Variants in ZMAT4 observed in about 807,000 individuals in gnomAD.
The protein encoded by ZMAT4 is zinc finger matrin-type protein 4.
In ZMAT4, 17 loss-of-function variants were observed where a neutral mutation model predicts 28.7. The observed-to-expected ratio is 0.59, with a 90% confidence interval of 0.41 to 0.89. ZMAT4 has a LOEUF of 0.89. Ranked by LOEUF, ZMAT4 falls within the 40% of genes least tolerant of loss-of-function variation. The pLI is 0.00. For missense variants in ZMAT4, 240 were observed against 283.8 expected, an observed-to-expected ratio of 0.85 and a Z score of 1.11; for synonymous variants, 117 against 109.2, an observed-to-expected ratio of 1.07 and a Z score of -0.44.
chr8:40,626,310 C>G (rs1046905980), intron 5 of ZMAT4, among the ~76,000 whole-genome samples: 2 of 152,102 alleles, frequency 1.3e-5, no homozygotes, highest in African/African-American at 4.8e-5. Context: ...CTAAGTGTGG[C>G]ATCTCAGAAA....
chr8:40,854,588 G>C (rs1280159592), intron 1 of ZMAT4, among the ~76,000 whole-genome samples: 1 of 152,190 alleles, frequency 6.6e-6, no homozygotes, highest in African/African-American at 2.4e-5. Flanking sequence ...TTTCGGCAGA[G>C]TTAGCTCAGG....
At position 40,835,541 on chromosome 8, in the gene ZMAT4, A is replaced by G. The variant is rs112311435; in HGVS notation, c.-4-9861T>C. ...TACAGGACCCTTCCTTTCAATGTGA[A>G]TACATGCCTTCAAAAATACAGTTTC... On this transcript the variant is annotated intron_variant, in intron 1 of 6. Transcript: ENST00000297737. 8.8e-3 allele frequency among the ~76,000 whole-genome samples: 1,346 copies of G among 152,326 alleles called. 19 individuals are homozygous for G. The highest frequency in any genetic ancestry group is 0.029 in the African/African-American group (1,194 of 41,568).
At position 40,818,964 on chromosome 8, in the gene ZMAT4, C is replaced by A. The variant is rs73619237; in HGVS notation, c.102+6611G>T. 9.6e-3 allele frequency among the ~76,000 whole-genome samples: 1,463 copies of A among 152,270 alleles called. 27 individuals are homozygous for A. Among genetic ancestry groups the A allele is most frequent in the African/African-American group, 0.033 (1,366 of 41,536 alleles). The stretch of plus-strand genomic sequence containing the variant: ...ACTTTAATCAGCACATTTTAAGAAT[C>A]TTAATTTTCACCTTTTTATCACTAC... On this transcript the variant is annotated intron_variant, in intron 2 of 6. Transcript: ENST00000297737.
intron 2 of ZMAT4, among the ~76,000 whole-genome samples, chr8:40,794,541 TG>T (rs1376919744): frequency 6.6e-6 from 1 of 152,204 alleles, no homozygotes. Flanking sequence ...GGCTTGGTGT[TG>T]CCTCCCTGTC....
chr8:40,718,632 A>G (rs1810953992), intron 3 of ZMAT4, among the ~76,000 whole-genome samples: 1 of 152,162 alleles, frequency 6.6e-6, no homozygotes, highest in East Asian at 1.9e-4. Flanking sequence ...CTACTGCACA[A>G]TTACCTGCTC....
chr8:40,772,106 G>T (rs1813411702), intron 2 of ZMAT4, among the ~76,000 whole-genome samples: 1 of 152,104 alleles, frequency 6.6e-6, no homozygotes, highest in African/African-American at 2.4e-5. Context: ...TCAATCCCAG[G>T]CTCTTTTTTG....
At chr8:40,831,055 G>A (rs1816262882) in intron 1 of ZMAT4, among the ~76,000 whole-genome samples, 4 of 152,170 alleles carry the variant, frequency 2.6e-5, no homozygotes, top group Non-Finnish European at 4.4e-5. Flanking sequence ...TCAAAGGAAT[G>A]CTGTAAATAT....
intron 2 of ZMAT4, among the ~76,000 whole-genome samples, chr8:40,780,721 A>T (rs986330273): frequency 2.0e-5 from 3 of 152,228 alleles, no homozygotes; most frequent in Non-Finnish European, 1.5e-5. Flanking sequence ...GCCAAGTAAG[A>T]TTTATTGGTT....
intron 5 of ZMAT4, among the ~76,000 whole-genome samples, chr8:40,653,910 A>G (rs1807799194): frequency 6.6e-6 from 1 of 152,186 alleles, no homozygotes; most frequent in East Asian, 1.9e-4. Context: ...AACTCACTCT[A>G]TAAGTTGCTG....
intron 4 of ZMAT4, among the ~76,000 whole-genome samples, chr8:40,684,603 A>T (rs1300291120): frequency 1.3e-5 from 2 of 152,220 alleles, no homozygotes; most frequent in Admixed American, 6.5e-5. Flanking sequence ...TTGGGGAATG[A>T]TTTACTTATC....
At chr8:40,596,441 C>G (rs1412948239) in intron 5 of ZMAT4, among the ~76,000 whole-genome samples, 1 of 152,078 alleles carries the variant, frequency 6.6e-6, no homozygotes, top group African/African-American at 2.4e-5. Context: ...CATTTTATTT[C>G]CTTATATTCT....
intron 3 of ZMAT4, among the ~76,000 whole-genome samples, chr8:40,733,880 T>C (rs1452796560): frequency 6.6e-6 from 1 of 152,138 alleles, no homozygotes; most frequent in African/African-American, 2.4e-5. Flanking sequence ...GTAAGACACA[T>C]CCTTGCCCTG....
rs191180922 is a variant in ZMAT4, at chr8:40,558,417, C to T, written c.674+22748G>A. 5.3e-5 allele frequency among the ~76,000 whole-genome samples: 8 copies of T among 152,018 alleles called. No individual in the cohort carries two copies. The East Asian group carries it at 1.4e-3, about 26-fold the overall frequency. ...GCCCATCAAAGAGAGAGACTGGAGG[C>T]TTGGACAAGGGACTAGCAGGGGAAA... is the stretch of plus-strand genomic sequence containing the variant. On this transcript the variant is annotated intron_variant, in intron 6 of 6. Transcript: ENST00000297737.
At chr8:40,868,082 T>G (rs890584857) in intron 1 of ZMAT4, among the ~76,000 whole-genome samples, 1 of 152,182 alleles carries the variant, frequency 6.6e-6, no homozygotes, top group Non-Finnish European at 1.5e-5. Flanking sequence ...AAATACATTA[T>G]GGACATATAT....
rs566648315 is a variant in ZMAT4 at position 40,598,014 on chromosome 8, A to G, written c.578-16753T>C. On this transcript the variant is annotated intron_variant, in intron 5 of 6. Coordinates refer to ENST00000297737, the MANE Select transcript of ZMAT4 (RefSeq NM_024645.3). ...AGTAATATGCCTTTTCCAAAAGGGG[A>G]TGTTTGAAGGGGCAAAGACTATGTG... 2.6e-5 allele frequency among the ~76,000 whole-genome samples: 4 copies of G among 152,088 alleles called. No homozygotes were observed. The South Asian group carries it at 8.3e-4, about 32-fold the overall frequency.
intron 3 of ZMAT4, among the ~76,000 whole-genome samples, chr8:40,725,185 C>T (rs1585945361): frequency 6.9e-6 from 1 of 144,726 alleles, no homozygotes; most frequent in Admixed American, 6.7e-5. Context: ...TTTATTCCTG[C>T]TAAGTCATCT....
intron 3 of ZMAT4, among the ~76,000 whole-genome samples, chr8:40,762,394 C>A (rs892019480): frequency 6.6e-6 from 1 of 152,016 alleles, no homozygotes; most frequent in African/African-American, 2.4e-5. Flanking sequence ...GTGGTTCATG[C>A]CTGTAATACC....
intron 5 of ZMAT4, among the ~76,000 whole-genome samples, chr8:40,671,066 CA>C (rs34621757): frequency 0.57 from 69,686 of 123,114 alleles, 17,279 homozygotes; most frequent in Middle Eastern, 0.71. Context: ...GACTCCATCT[CA>C]AAAAAAAAAA....
At chr8:40,866,799 A>G (rs1338870485) in intron 1 of ZMAT4, among the ~76,000 whole-genome samples, 1 of 152,254 alleles carries the variant, frequency 6.6e-6, no homozygotes, top group Non-Finnish European at 1.5e-5. Context: ...GGATACACAT[A>G]TAAACATGCA....
Sources: allele counts gnomAD v4.1 joint callset (sites outside exome capture counted in the v4.1 genomes callset), GRCh38; gene constraint gnomAD v4.1.1; transcripts MANE v1.5; gene names NCBI Gene and HGNC (gene_info 2026-07-23, HGNC 2026-07-21).